The following TAFA5 variants were observed in gnomAD, a reference collection of about 807,000 sequenced individuals.
TAFA5 encodes chemokine-like protein TAFA-5.
A neutral mutation model predicts 15.3 loss-of-function variants in TAFA5; 6 were observed. The observed-to-expected ratio is 0.39, with a 90% CI of 0.21 to 0.77. TAFA5 has a LOEUF of 0.77. Ranked by LOEUF, TAFA5 falls within the 30% of genes least tolerant of loss-of-function variation. The pLI is 0.41. For synonymous variants in TAFA5, 103 were observed against 80.7 expected, an observed-to-expected ratio of 1.28 and a Z score of -1.48; for missense variants, 161 against 193.1, an observed-to-expected ratio of 0.83 and a Z score of 0.98.
chr22:48,493,093 C>T (rs113484719), intron 1 of TAFA5, among the ~76,000 whole-genome samples: 3 of 152,272 alleles, frequency 2.0e-5, no homozygotes, highest in African/African-American at 7.2e-5. Flanking sequence ...AAATGAGGAC[C>T]TGGGGCAACT....
intron 1 of TAFA5, among the ~76,000 whole-genome samples, chr22:48,639,604 T>C (rs909736759): frequency 6.6e-6 from 1 of 152,128 alleles, no homozygotes; most frequent in African/African-American, 2.4e-5. Context: ...TCACACCTCC[T>C]GGAGCCTGGG....
chr22:48,649,774 G>A (rs560933467), intron 2 of TAFA5, among the ~76,000 whole-genome samples: 1 of 152,164 alleles, frequency 6.6e-6, no homozygotes, highest in African/African-American at 2.4e-5. Flanking sequence ...AGACTGGGAG[G>A]GGGAGAGCGG....
intron 3 of TAFA5, among the ~76,000 whole-genome samples, chr22:48,733,804 A>T (rs1438517630): frequency 1.3e-5 from 2 of 152,158 alleles, no homozygotes; most frequent in Admixed American, 1.3e-4. Context: ...GGTGGGAGCC[A>T]CAGCAGCAGA....
rs1298106345 is a variant in TAFA5, at chr22:48,502,456, T to C, written c.112+12752T>C. On this transcript the variant is annotated intron_variant, in intron 1 of 3. Transcript: ENST00000402357. The stretch of plus-strand genomic sequence containing the variant: ...GCTTTTGCAGCAGTTACAGTGTTAA[T>C]GGCTCCAAGACTTCTAATGTTTTGG... Among the ~76,000 whole-genome samples, 3 of 152,198 alleles carry C rather than the reference T, an allele frequency of 2.0e-5. No individual in the cohort carries two copies. In the East Asian group the frequency reaches 5.8e-4, roughly 29 times the overall value.
chr22:48,739,705 G>T (rs1285100940), intron 3 of TAFA5, among the ~76,000 whole-genome samples: 2 of 152,200 alleles, frequency 1.3e-5, no homozygotes, highest in African/African-American at 4.8e-5. Context: ...GAAGTGTTGA[G>T]CAGATCTGGG....
At chr22:48,731,678 T>C (rs1037676098) in intron 3 of TAFA5, among the ~76,000 whole-genome samples, 1 of 152,158 alleles carries the variant, frequency 6.6e-6, no homozygotes, top group Non-Finnish European at 1.5e-5. Context: ...GACTGAATCC[T>C]TTAAGCCCAC....
Position 48,531,543 on chromosome 22 carries a change from G to C in TAFA5, c.112+41839G>C, listed in dbSNP as rs183938003. 2.6e-5 allele frequency among the ~76,000 whole-genome samples: 4 copies of C among 152,294 alleles called. No homozygotes were observed. The East Asian group carries it at 7.7e-4, about 29-fold the overall frequency. On this transcript the variant is annotated intron_variant, in intron 1 of 3. Transcript: ENST00000402357. The stretch of plus-strand genomic sequence containing the variant: ...CAGTCGACATGTGGGTTACTGACTT[G>C]GTTTGGCATTGGCGTCAGGTTGGGG...
At chr22:48,503,764 G>A (rs957169018) in intron 1 of TAFA5, among the ~76,000 whole-genome samples, 13 of 152,196 alleles carry the variant, frequency 8.5e-5, no homozygotes, top group African/African-American at 2.9e-4. Flanking sequence ...CACGGGAGAA[G>A]CTCTAAAAGT....
chr22:48,552,463 C>T lies in TAFA5; in HGVS notation c.112+62759C>T, dbSNP rs989864252. Among the ~76,000 whole-genome samples, 8 of 152,140 alleles carry T rather than the reference C, an allele frequency of 5.3e-5. No homozygotes were observed. The highest frequency in any genetic ancestry group is 1.3e-4 in the Admixed American group (2 of 15,276). ...GCCTGCTGTGGGAAGCCCTTATGAG[C>T]GTGTACATCCTCTCTCGGGGTCCTG... On this transcript the variant is annotated intron_variant, in intron 1 of 3. Transcript: ENST00000402357. The surrounding 1 kb of genome is among the most constrained non-coding windows in gnomAD (Gnocchi z 4.1).
chr22:48,555,865 G>A (rs1332616625), intron 1 of TAFA5, among the ~76,000 whole-genome samples: 1 of 152,232 alleles, frequency 6.6e-6, no homozygotes, highest in East Asian at 1.9e-4. Flanking sequence ...GCTGCTTCAA[G>A]TACACAGACC....
At chr22:48,690,387 G>A (rs1444388678) in intron 2 of TAFA5, among the ~76,000 whole-genome samples, 1 of 152,062 alleles carries the variant, frequency 6.6e-6, no homozygotes, top group East Asian at 1.9e-4. Flanking sequence ...GTGGCTCTTT[G>A]GGACGTGTAT....
intron 2 of TAFA5, among the ~76,000 whole-genome samples, chr22:48,689,980 C>A (rs1206914971): frequency 6.6e-6 from 1 of 152,146 alleles, no homozygotes; most frequent in Non-Finnish European, 1.5e-5. Context: ...CTCTGCCTTG[C>A]AACCTCTTCC....
Position 48,738,123 on chromosome 22 carries a change from C to T in TAFA5, c.391-11716C>T, listed in dbSNP as rs143797529. ...GGCCTGCTGCAGTGAGCCTGGCTGCCGGGGCCAAGTGTGAAATTTCCTTCT... is the reference window on the plus strand; with the variant it reads ...GGCCTGCTGCAGTGAGCCTGGCTGCTGGGGCCAAGTGTGAAATTTCCTTCT... On this transcript the variant is annotated intron_variant, in intron 3 of 3. Transcript: ENST00000402357. Among the ~76,000 whole-genome samples, 220 of 152,224 alleles carry T rather than the reference C, an allele frequency of 1.4e-3. 2 individuals are homozygous for T. The highest frequency in any genetic ancestry group is 5.1e-3 in the African/African-American group (210 of 41,530).
intron 1 of TAFA5, among the ~76,000 whole-genome samples, chr22:48,635,848 G>A (rs1364344645): frequency 6.6e-6 from 1 of 152,264 alleles, no homozygotes; most frequent in Non-Finnish European, 1.5e-5. Flanking sequence ...AGTCATTGTT[G>A]TAATCGCAGC....
At chr22:48,619,189 T>C (rs1174537490) in intron 1 of TAFA5, among the ~76,000 whole-genome samples, 1 of 152,210 alleles carries the variant, frequency 6.6e-6, no homozygotes, top group Non-Finnish European at 1.5e-5. Flanking sequence ...TCTCTGCCCA[T>C]GGTCAGTGGC....
rs116433420 is a variant in TAFA5, at chr22:48,569,837, G to C, written c.113-76760G>C. ...CATGCGGCTGGCGTGCCCTCTCACT[G>C]TTTCCCAGGCCCAGAAAGAGGCAGG... On this transcript the variant is annotated intron_variant, in intron 1 of 3. Coordinates refer to ENST00000402357, the MANE Select transcript of TAFA5 (RefSeq NM_001082967.3). Among the ~76,000 whole-genome samples, 1,090 of 152,330 alleles carry C rather than the reference G, an allele frequency of 7.2e-3. 26 individuals carry two copies. Among genetic ancestry groups the C allele is most frequent in the African/African-American group, 0.025 (1,048 of 41,582 alleles).
chr22:48,596,185 T>C (rs185273115), intron 1 of TAFA5, among the ~76,000 whole-genome samples: 4 of 152,388 alleles, frequency 2.6e-5, no homozygotes, highest in Admixed American at 2.0e-4. Flanking sequence ...GTTGTTTTGC[T>C]GAAAGTTACC....
chr22:48,587,608 C>T (rs1036353666), intron 1 of TAFA5, among the ~76,000 whole-genome samples: 2 of 152,180 alleles, frequency 1.3e-5, no homozygotes, highest in African/African-American at 4.8e-5. Flanking sequence ...CCGGTGTCAC[C>T]TGAAGTGTCC....
chr22:48,581,573 GCT>G (rs1924044125), intron 1 of TAFA5, among the ~76,000 whole-genome samples: 1 of 152,216 alleles, frequency 6.6e-6, no homozygotes, highest in Non-Finnish European at 1.5e-5. Flanking sequence ...CCGTGTCCGT[GCT>G]CAGTAGAGTG....
Sources: allele counts gnomAD v4.1 joint callset (sites outside exome capture counted in the v4.1 genomes callset), GRCh38; gene constraint gnomAD v4.1.1; non-coding constraint Gnocchi (gnomAD v3.1); transcripts MANE v1.5; gene names NCBI Gene and HGNC (gene_info 2026-07-23, HGNC 2026-07-21).